CLEC16A: variants seen among roughly 807,000 people sequenced by gnomAD.
The protein encoded by CLEC16A is protein CLEC16A.
Under a neutral mutation model 109.5 loss-of-function variants are expected in CLEC16A, and 51 were observed. The observed-to-expected ratio is 0.47, with a 90% CI of 0.37 to 0.59. CLEC16A has a LOEUF of 0.59. Ranked by LOEUF, CLEC16A falls within the 20% of genes least tolerant of loss-of-function variation. The pLI is 0.00. For synonymous variants in CLEC16A, 673 were observed against 564.2 expected (o/e 1.19, Z -2.73); for missense variants, 1,339 against 1,394.0 (o/e 0.96, Z 0.63).
At chr16:11,163,775 G>T (rs942791549) in intron 22 of CLEC16A, among the ~76,000 whole-genome samples, 1 of 152,180 alleles carries the variant, frequency 6.6e-6, no homozygotes, top group Admixed American at 6.5e-5. Context: ...TCCAGCCGGG[G>T]TCATTGTCGG....
chr16:11,052,451 C>T (rs999190939), intron 18 of CLEC16A, among the ~76,000 whole-genome samples: 3 of 152,204 alleles, frequency 2.0e-5, no homozygotes, highest in African/African-American at 4.8e-5. Flanking sequence ...ACCTCAGACA[C>T]GAGGAGTCTG....
At chr16:11,108,154 C>T (rs1351244930) in intron 19 of CLEC16A, among the ~76,000 whole-genome samples, 1 of 152,228 alleles carries the variant, frequency 6.6e-6, no homozygotes, top group African/African-American at 2.4e-5. Flanking sequence ...GTCTGAAGCA[C>T]CATGAGGGCA....
At chr16:10,974,750 A>G (rs1408153806) in intron 7 of CLEC16A, among the ~76,000 whole-genome samples, 4 of 152,254 alleles carry the variant, frequency 2.6e-5, no homozygotes, top group Non-Finnish European at 4.4e-5. Flanking sequence ...GGATTTAAAC[A>G]GTCATGGATG....
chr16:11,143,163 G>A (rs2053915538), intron 22 of CLEC16A, among the ~76,000 whole-genome samples: 1 of 152,160 alleles, frequency 6.6e-6, no homozygotes, highest in Non-Finnish European at 1.5e-5. Context: ...CCTGTGCTTG[G>A]GGTTGGTGAC....
chr16:11,042,219 T>A, intron 14 of CLEC16A, 35 bp from the exon 15 acceptor site: 1 of 1,506,656 alleles, frequency 6.6e-7, no homozygotes, highest in Non-Finnish European at 9.0e-7. Context: ...CGCCCCACCC[T>A]GGGTGTGCAA....
rs760904919 is a variant in CLEC16A at position 11,047,272 on chromosome 16, C to T, written c.1816-20C>T. The T allele has an allele frequency of 1.7e-5, 28 of 1,601,370 alleles. No homozygotes were observed. In the South Asian group the frequency reaches 3.0e-4, roughly 17 times the overall value. On this transcript the variant is annotated intron_variant, in intron 16 of 23. Coordinates refer to ENST00000409790, the MANE Select transcript of CLEC16A (RefSeq NM_015226.3). ...AAAAATATGAATAATCTCCTCTTCC[C>T]TCCCTTCCTTTCTTTTTAGGGAGAA...
At position 11,153,305 on chromosome 16, in the gene CLEC16A, CCTT is replaced by C. The variant is rs1459290298; in HGVS notation, c.2642-13080_2642-13078del. Among the ~76,000 whole-genome samples, 6 of 152,068 alleles carry C rather than the reference CCTT, an allele frequency of 3.9e-5. No homozygotes were observed. The East Asian group carries it at 9.7e-4, about 25-fold the overall frequency. ...AGGTAGTCCCCGTGCCAGCAGGACT[CCTT>C]CTCGTTTTCTGTTGCCTTTCTTGAA... On this transcript the variant is annotated intron_variant, in intron 22 of 23. Transcript: ENST00000409790.
At chr16:11,012,331 T>TA (rs1214306559) in intron 11 of CLEC16A, among the ~76,000 whole-genome samples, 1 of 152,158 alleles carries the variant, frequency 6.6e-6, no homozygotes, top group Non-Finnish European at 1.5e-5. Flanking sequence ...CACGGTGGCT[T>TA]ACGCCTGTAA....
At chr16:11,063,342 T>C (rs917176407) in intron 19 of CLEC16A, among the ~76,000 whole-genome samples, 8 of 150,678 alleles carry the variant, frequency 5.3e-5, no homozygotes, top group Admixed American at 5.3e-4. Flanking sequence ...TCACCTTCCA[T>C]TGTGGGGGAA....
chr16:11,144,835 G>C (rs1452477123), intron 22 of CLEC16A, among the ~76,000 whole-genome samples: 1 of 152,154 alleles, frequency 6.6e-6, no homozygotes, highest in Admixed American at 6.5e-5. Flanking sequence ...CCAGTTTCAG[G>C]AGAGGCCAAT....
At chr16:11,036,072 T>G (rs927180934) in intron 13 of CLEC16A, 2 of 152,622 alleles carry the variant, frequency 1.3e-5, no homozygotes, top group Non-Finnish European at 2.9e-5. Context: ...CTACCTCACA[T>G]GGACTGCATG....
At chr16:10,963,487 GT>G (rs937010987) in intron 3 of CLEC16A, among the ~76,000 whole-genome samples, 6 of 152,282 alleles carry the variant, frequency 3.9e-5, no homozygotes, top group Non-Finnish European at 7.4e-5. Context: ...AAGAGTTGGG[GT>G]CGCTGAATCA....
At chr16:11,036,874 A>G (rs2047055510) in intron 13 of CLEC16A, among the ~76,000 whole-genome samples, 1 of 152,176 alleles carries the variant, frequency 6.6e-6, no homozygotes, top group African/African-American at 2.4e-5. Flanking sequence ...AACACGAATG[A>G]TAAGGAAACA....
In CLEC16A at chr16:11,029,742, G is replaced by C. The variant is rs186958879; in HGVS notation, c.1537+4821G>C. Among the ~76,000 whole-genome samples the C allele has an allele frequency of 1.1e-3, 166 of 152,312 alleles. 1 individual carries two copies. Among genetic ancestry groups the C allele is most frequent in the African/African-American group, 3.9e-3 (160 of 41,554 alleles). Reference sequence around the variant, plus strand: ...CCTTTAAAGAAAAAGTTGGATTGAAGTCTAATTGATATGCAATAAACTGAA... The same window carrying C: ...CCTTTAAAGAAAAAGTTGGATTGAACTCTAATTGATATGCAATAAACTGAA... On this transcript the variant is annotated intron_variant, in intron 13 of 23. Coordinates refer to ENST00000409790, the MANE Select transcript of CLEC16A (RefSeq NM_015226.3).
intron 19 of CLEC16A, among the ~76,000 whole-genome samples, chr16:11,117,590 C>A (rs77792008): frequency 1.3e-4 from 20 of 152,116 alleles, no homozygotes; most frequent in Non-Finnish European, 2.6e-4. Context: ...ATACTTTTCT[C>A]ATTTTAAAAT....
At chr16:11,040,335 T>G (rs997930737) in intron 14 of CLEC16A, 1 of 162,190 alleles carries the variant, frequency 6.2e-6, no homozygotes, top group African/African-American at 2.4e-5. Context: ...GGAGTGAGAA[T>G]GCGCTTGGAG....
In CLEC16A at chr16:11,060,965, C is replaced by A; in HGVS notation, c.2059C>A (p.Gln687Lys). ...SLQLRGEPET[Q>K]LPLTREEDLI... is the part of the protein sequence containing the mutation. ...GCAATTGCGAGGGGAGCCTGAGACA[C>A]AGTTGCCGCTGACTCGGGAGGAGGA... The change falls in exon 19 of 24, where the codon CAG (glutamine) becomes AAG (lysine). Residue 687 changes from glutamine (Q) to lysine (K), a missense_variant. Physicochemically the swap from Gln to Lys is moderately conservative, Grantham distance 53. This residue lies in a region of CLEC16A where 1,061 missense variants were observed against 1,006.8 expected (regional missense o/e 1.05). Coordinates refer to ENST00000409790, the MANE Select transcript of CLEC16A (RefSeq NM_015226.3). The A allele has an allele frequency of 6.2e-7, 1 of 1,612,762 alleles. No individual in the cohort carries two copies. Among genetic ancestry groups the A allele is most frequent in the Middle Eastern group, 1.7e-4 (1 of 6,060 alleles).
chr16:11,157,495 C>A (rs898074154), intron 22 of CLEC16A, among the ~76,000 whole-genome samples: 1 of 152,196 alleles, frequency 6.6e-6, no homozygotes, highest in African/African-American at 2.4e-5. Context: ...TAAAGGGATA[C>A]TGAAAAGGGG....
intron 19 of CLEC16A, among the ~76,000 whole-genome samples, chr16:11,064,058 A>G (rs2048634701): frequency 6.6e-6 from 1 of 152,106 alleles, no homozygotes; most frequent in Non-Finnish European, 1.5e-5. Context: ...AGCATCATGA[A>G]TCTCCATATA....
Sources: gnomAD v4.1 joint callset for allele counts (sites outside exome capture counted in the v4.1 genomes callset) on GRCh38, gnomAD v4.1.1 for gene constraint, gnomAD v4.1.1 regional missense constraint, MANE v1.5 for transcripts, NCBI Gene and HGNC (gene_info 2026-07-23, HGNC 2026-07-21) for gene names.